Variants in ROBO1 observed in about 807,000 individuals in gnomAD.
ROBO1 encodes the protein roundabout homolog 1.
Under a neutral mutation model 195.9 loss-of-function variants are expected in ROBO1, and 149 were observed. The observed-to-expected ratio is 0.76, with a 90% CI of 0.67 to 0.87. ROBO1 has a LOEUF of 0.87. Among genes scored for constraint, ROBO1 ranks in the 40% least tolerant of loss-of-function variants. ROBO1 has a pLI of 0.00. For synonymous variants in ROBO1, 816 were observed against 733.2 expected, an observed-to-expected ratio of 1.11 and a Z score of -1.82; for missense variants, 1,933 against 2,068.3, an observed-to-expected ratio of 0.93 and a Z score of 1.27.
chr3:79,636,347 C>T (rs1945495440), intron 1 of ROBO1, among the ~76,000 whole-genome samples: 1 of 152,058 alleles, frequency 6.6e-6, no homozygotes, highest in Non-Finnish European at 1.5e-5. Context: ...AAATAGGGAG[C>T]AAACCTCTTG....
intron 2 of ROBO1, among the ~76,000 whole-genome samples, chr3:79,539,171 T>A (rs1232970000): frequency 6.6e-6 from 1 of 152,182 alleles, no homozygotes; most frequent in African/African-American, 2.4e-5. Context: ...AACATTACTT[T>A]AAGCCTGTCA....
At chr3:79,117,835 G>A (rs1301311233) in intron 3 of ROBO1, among the ~76,000 whole-genome samples, 2 of 152,042 alleles carry the variant, frequency 1.3e-5, no homozygotes, top group Admixed American at 1.3e-4. Context: ...AATATTTACA[G>A]GAATAAGTAC....
intron 4 of ROBO1, among the ~76,000 whole-genome samples, chr3:78,905,600 CAG>C (rs969336047): frequency 1.7e-4 from 26 of 152,010 alleles, no homozygotes; most frequent in African/African-American, 6.0e-4. Flanking sequence ...GTTTGGATGA[CAG>C]AGCAAGACAA....
chr3:79,138,965 TTTTTGAA>T (rs1356901735), intron 2 of ROBO1, among the ~76,000 whole-genome samples: 6 of 151,858 alleles, frequency 4.0e-5, no homozygotes, highest in African/African-American at 1.4e-4. Context: ...TTATATTCTA[TTTTTGAA>T]TCTCCAAAAG....
At chr3:79,372,209 T>A (rs1481801330) in intron 2 of ROBO1, among the ~76,000 whole-genome samples, 1 of 150,646 alleles carries the variant, frequency 6.6e-6, no homozygotes, top group African/African-American at 2.4e-5. Context: ...CATTCTTTTT[T>A]TTTTTTTTCT....
chr3:79,212,551 G>C (rs960926567), intron 2 of ROBO1, among the ~76,000 whole-genome samples: 4 of 152,100 alleles, frequency 2.6e-5, no homozygotes, highest in Non-Finnish European at 4.4e-5. Flanking sequence ...GCTGGGCGTG[G>C]TGGCTACACC....
intron 2 of ROBO1, among the ~76,000 whole-genome samples, chr3:79,158,504 G>C (rs1442984409): frequency 1.3e-5 from 2 of 150,576 alleles, no homozygotes; most frequent in African/African-American, 2.4e-5. Context: ...ATTTGTTTCA[G>C]GTACATATTC....
At chr3:79,516,842 A>G (rs1054794307) in intron 2 of ROBO1, among the ~76,000 whole-genome samples, 14 of 152,180 alleles carry the variant, frequency 9.2e-5, no homozygotes, top group African/African-American at 3.4e-4. Context: ...TAGAAATGGA[A>G]ATGATTGACA....
At chr3:79,711,977 T>C (rs1576268131) in intron 1 of ROBO1, among the ~76,000 whole-genome samples, 2 of 151,080 alleles carry the variant, frequency 1.3e-5, no homozygotes, top group East Asian at 1.9e-4. Context: ...GGAAGCTTAA[T>C]TGATCAATGT....
intron 4 of ROBO1, among the ~76,000 whole-genome samples, chr3:78,802,825 T>G (rs2108584151): frequency 6.6e-6 from 1 of 152,226 alleles, no homozygotes; most frequent in East Asian, 1.9e-4. Flanking sequence ...CCTTTTAAGT[T>G]ATAATGTCTC....
At chr3:79,595,573 G>A (rs766300583) in intron 1 of ROBO1, among the ~76,000 whole-genome samples, 1 of 151,462 alleles carries the variant, frequency 6.6e-6, no homozygotes, top group African/African-American at 2.4e-5. Context: ...TCATTTCCAG[G>A]TAAAAAGAAA....
intron 4 of ROBO1, among the ~76,000 whole-genome samples, chr3:78,762,552 C>T (rs1172895680): frequency 2.0e-5 from 3 of 151,998 alleles, no homozygotes; most frequent in Middle Eastern, 3.4e-3. Flanking sequence ...ACTAAACAGA[C>T]GATGTAGAGG....
chr3:79,694,273 G>C (rs1195240190), intron 1 of ROBO1, among the ~76,000 whole-genome samples: 1 of 150,944 alleles, frequency 6.6e-6, no homozygotes, highest in African/African-American at 2.4e-5. Flanking sequence ...ATTCATTTTT[G>C]TCTTACAAAT....
chr3:79,550,172 A>G (rs796231437), intron 2 of ROBO1, among the ~76,000 whole-genome samples: 1 of 108,316 alleles, frequency 9.2e-6, no homozygotes, highest in Non-Finnish European at 1.8e-5. Context: ...AGAAAGGAAG[A>G]AAGAAAGAAA....
chr3:79,162,321 G>A (rs760396220), intron 2 of ROBO1, among the ~76,000 whole-genome samples: 1 of 152,052 alleles, frequency 6.6e-6, no homozygotes, highest in Admixed American at 6.6e-5. Flanking sequence ...TTAATAGGAG[G>A]AAAGAAGGGA....
chr3:79,686,656 A>T (rs981419575), intron 1 of ROBO1, among the ~76,000 whole-genome samples: 12 of 152,198 alleles, frequency 7.9e-5, no homozygotes, highest in African/African-American at 2.9e-4. Flanking sequence ...AATCAAACTT[A>T]CAAGGGAAGT....
intron 4 of ROBO1, among the ~76,000 whole-genome samples, chr3:78,870,273 G>A (rs79013717): frequency 0.031 from 4,690 of 152,204 alleles, 100 homozygotes; most frequent in Non-Finnish European, 0.049. Flanking sequence ...ACAGAATACC[G>A]TAATGAAGTT....
At chr3:79,173,645 G>A (rs1037072639) in intron 2 of ROBO1, among the ~76,000 whole-genome samples, 3 of 152,096 alleles carry the variant, frequency 2.0e-5, no homozygotes, top group Non-Finnish European at 2.9e-5. Context: ...CCTCCCGGAT[G>A]AGCACGGCCC....
intron 1 of ROBO1, among the ~76,000 whole-genome samples, chr3:79,612,801 T>C (rs1576116880): frequency 7.8e-4 from 1 of 1,276 alleles, no homozygotes; most frequent in African/African-American, 3.8e-3. Flanking sequence ...CATTTTTTCA[T>C]GTGTTTTTTG....
Sources: allele counts gnomAD v4.1 joint callset (sites outside exome capture counted in the v4.1 genomes callset), GRCh38; gene constraint gnomAD v4.1.1; transcripts MANE v1.5; gene names NCBI Gene and HGNC (gene_info 2026-07-23, HGNC 2026-07-21).